Variants in TMEM231 observed in about 807,000 individuals in gnomAD.
TMEM231 encodes the protein transmembrane protein 231.
In TMEM231, 40 loss-of-function variants were observed where a neutral mutation model predicts 38.5. The observed-to-expected ratio is 1.04, with a 90% CI of 0.81 to 1.35. The LOEUF (loss-of-function observed/expected upper bound fraction) is 1.35. Ranked by LOEUF, TMEM231 falls within the 40% of genes most tolerant of loss-of-function variation. TMEM231 has a pLI of 0.00. For missense variants in TMEM231, 420 were observed against 416.9 expected (o/e 1.01, Z -0.07); for synonymous variants, 199 against 181.7 (o/e 1.10, Z -0.77).
chr16:75,540,324 A>G (rs780391640), intron 6 of TMEM231, 150 bp from the exon 7 acceptor site: 112 of 744,364 alleles, frequency 1.5e-4, no homozygotes, highest in Admixed American at 2.3e-4. Flanking sequence ...ACTTGGCCAA[A>G]TGGTAAAACC....
chr16:75,540,097 AC>A lies in TMEM231; in HGVS notation c.847del (p.Val283CysfsTer15). The A allele has an allele frequency of 6.2e-7, 1 of 1,613,802 alleles. No individual in the cohort carries two copies. The highest frequency in any genetic ancestry group is 1.1e-5 in the South Asian group (1 of 91,048). On this transcript the variant is annotated frameshift_variant, in exon 7 of 7. Transcript: ENST00000258173. LOFTEE classifies it high-confidence loss of function. The part of the protein sequence containing the change: ...YVSILLIFLW[V>X]FERIKIFVFQ... ...CACGAAGATCTTGATTCTTTCAAAC[AC>A]CCAGAGGAAGATAAGCAGGATGCTG...
At chr16:75,548,802 G>C (rs542320579) in intron 2 of TMEM231, among the ~76,000 whole-genome samples, 8 of 152,328 alleles carry the variant, frequency 5.3e-5, no homozygotes, top group African/African-American at 1.9e-4. Flanking sequence ...CCAGAAGGTG[G>C]AGGTTGCAGT....
intron 2 of TMEM231, among the ~76,000 whole-genome samples, chr16:75,553,979 C>T (rs2151708592): frequency 6.6e-6 from 1 of 152,250 alleles, no homozygotes; most frequent in African/African-American, 2.4e-5. Flanking sequence ...CCCCCAATTC[C>T]TCCCACCATC....
At position 75,541,373 on chromosome 16, in the gene TMEM231, G is replaced by C; in HGVS notation, c.747C>G (p.Ile249Met). The C allele has an allele frequency of 1.9e-6, 3 of 1,611,380 alleles. No homozygotes were observed. The highest frequency in any genetic ancestry group is 2.5e-6 in the Non-Finnish European group (3 of 1,178,396). Residue 249 changes from isoleucine to methionine, a missense_variant, in exon 6 of 7, where the codon ATC becomes ATG. By Grantham distance (10) the Ile-to-Met change is conservative. Transcript: ENST00000258173. The stretch of plus-strand genomic sequence containing the variant: ...ATGAAATGACTTCCACAGGGTATCG[G>C]ATGATAGCATTAATCACAAATGGAG... Reference protein sequence around the residue: ...ADAPFVINAIIRYPVEVISYQ... With the variant: ...ADAPFVINAIMRYPVEVISYQ...
At chr16:75,548,476 A>C (rs2151704930) in intron 2 of TMEM231, among the ~76,000 whole-genome samples, 1 of 152,338 alleles carries the variant, frequency 6.6e-6, no homozygotes, top group East Asian at 1.9e-4. Flanking sequence ...TCCCCATCCT[A>C]ATGGGGCATA....
chr16:75,554,545 C>CAAA lies in TMEM231; in HGVS notation c.309+1256_309+1258dup, dbSNP rs1185694717. Among the ~76,000 whole-genome samples, 186 of 94,104 alleles carry CAAA rather than the reference C, an allele frequency of 2.0e-3. 1 individual carries two copies. The highest frequency in any genetic ancestry group is 7.1e-3 in the African/African-American group (179 of 25,352). The allele number at this position is 94,104 out of a possible 152,430, so 61.7% of individuals were successfully genotyped here. A position where few individuals can be genotyped will look rare whatever the true frequency, so the allele number is the denominator to read the frequency against. On this transcript the variant is annotated intron_variant, in intron 2 of 6. Coordinates refer to ENST00000258173, the MANE Select transcript of TMEM231 (RefSeq NM_001077418.3). ...TGGGCAACAGAACAAGACTGTGTCTCAAAAAAAAAAAAAAAAAAGAAAAGA... is the reference window on the plus strand; with the variant it reads ...TGGGCAACAGAACAAGACTGTGTCTCAAAAAAAAAAAAAAAAAAAAAGAAAAGA...
In TMEM231 at chr16:75,555,831, C is replaced by T; in HGVS notation, c.282G>A (p.Gly94=). 1.3e-6 allele frequency: 2 copies of T among 1,567,250 alleles called. No homozygotes were observed. The highest frequency in any genetic ancestry group is 8.6e-7 in the Non-Finnish European group (1 of 1,156,424). ...AAACGAGCGGGACGCGCAGGCGATC[C>T]CCTTGCAGCCGGTTGAAGGCGGGGA... ...STFPAFNRLQ[G]DRLRVPLVST... The change falls in exon 2 of 7, where the codon GGG becomes GGA. Residue 94 remains glycine, a synonymous_variant. Transcript: ENST00000258173.
chr16:75,541,406 G>A lies in TMEM231; in HGVS notation c.714C>T (p.Ala238=), dbSNP rs750043051. Residue 238 remains alanine, a synonymous_variant, in exon 6 of 7, where the codon GCC becomes GCT. Transcript: ENST00000258173. The stretch of plus-strand genomic sequence containing the variant: ...CATTAATCACAAATGGAGCATCTGC[G>A]GCCCTGCCCACCAGCCAGATGGGGT... ...DPNPIWLVGR[A]ADAPFVINAI... is the part of the protein sequence containing the mutation. 3.4e-5 allele frequency: 54 copies of A among 1,611,864 alleles called. No homozygotes were observed. The South Asian group carries it at 3.7e-4, about 11-fold the overall frequency.
chr16:75,547,600 G>T (rs568127745), intron 2 of TMEM231, among the ~76,000 whole-genome samples: 1 of 152,048 alleles, frequency 6.6e-6, no homozygotes. Context: ...CCAACATGGT[G>T]AAACCCCGTC....
intron 3 of TMEM231, 22 bp from the exon 4 acceptor site, chr16:75,545,517 A>C: frequency 1.3e-6 from 2 of 1,487,080 alleles, no homozygotes; most frequent in South Asian, 2.5e-5. Flanking sequence ...AGAAGGACCA[A>C]CAATACCAAC....
In TMEM231 at chr16:75,546,506, A is replaced by C. The variant is rs371022204; in HGVS notation, c.310-552T>G. Among the ~76,000 whole-genome samples the C allele has an allele frequency of 4.6e-5, 7 of 152,146 alleles. No homozygotes were observed. In the East Asian group the frequency reaches 5.8e-4, roughly 13 times the overall value. On this transcript the variant is annotated intron_variant, in intron 2 of 6. Coordinates refer to ENST00000258173, the MANE Select transcript of TMEM231 (RefSeq NM_001077418.3). ...CGCCCAGGCTGGAGTGCAGTGACGC[A>C]ATCACGGCTCACTACAACCTCCGCC...
rs758946916 is a variant in TMEM231, at chr16:75,556,247, A to G, written c.-38T>C. ...CAGGCACTCCGCGAGCCGGGGGACC[A>G]AGTTTGGCTTCTCCTGGTTGCCATC... On this transcript the variant is annotated 5_prime_UTR_variant, in exon 1 of 7. Transcript: ENST00000258173. 7.2e-7 allele frequency: 1 copy of G among 1,392,654 alleles called. No individual in the cohort carries two copies. Among genetic ancestry groups the G allele is most frequent in the Non-Finnish European group, 9.3e-7 (1 of 1,077,528 alleles). The allele number at this position is 1,392,654 out of a possible 1,614,324, so 86.3% of individuals were successfully genotyped here. A position where few individuals can be genotyped will look rare whatever the true frequency, so the allele number is the denominator to read the frequency against.
At position 75,546,219 on chromosome 16, in the gene TMEM231, T is replaced by C. The variant is rs723694; in HGVS notation, c.310-265A>G. ...GCAATAACAAAAAACATCTGGATAG[T>C]ATTTGTGCCTTTCAGTTGTCTCATG... On this transcript the variant is annotated intron_variant, in intron 2 of 6. Transcript: ENST00000258173. The C allele has an allele frequency of 0.021, 20,416 of 965,544 alleles. 2,590 individuals carry two copies. The African/African-American group carries it at 0.29, about 14-fold the overall frequency. The allele number at this position is 965,544 out of a possible 1,614,324, so 59.8% of individuals were successfully genotyped here. A position where few individuals can be genotyped will look rare whatever the true frequency, so the allele number is the denominator to read the frequency against.
intron 2 of TMEM231, among the ~76,000 whole-genome samples, chr16:75,551,169 G>T (rs543295531): frequency 6.6e-6 from 1 of 152,262 alleles, no homozygotes; most frequent in South Asian, 2.1e-4. Flanking sequence ...GCCACTTCGT[G>T]GTTCCTTTCC....
chr16:75,546,867 A>T (rs1331459194), intron 2 of TMEM231, among the ~76,000 whole-genome samples: 2 of 152,244 alleles, frequency 1.3e-5, no homozygotes, highest in Non-Finnish European at 2.9e-5. Context: ...GTAGCAATCA[A>T]TGAAATGAAA....
At chr16:75,553,547 A>C (rs1160626304) in intron 2 of TMEM231, among the ~76,000 whole-genome samples, 1 of 150,316 alleles carries the variant, frequency 6.7e-6, no homozygotes, top group Non-Finnish European at 1.5e-5. Context: ...GCTTGAACCC[A>C]GAAGGCAGAG....
rs548542490 is a variant in TMEM231 at position 75,538,775 on chromosome 16, A to G, written c.*1219T>C. On this transcript the variant is annotated 3_prime_UTR_variant, in exon 7 of 7. Coordinates refer to ENST00000258173, the MANE Select transcript of TMEM231 (RefSeq NM_001077418.3). ...CATGTGTTCTTGGAGGAGACTGCCC[A>G]CATCCTCAGGAGGTGAATGGGCTGA... 2.6e-4 allele frequency: 39 copies of G among 152,336 alleles called. No individual in the cohort carries two copies. The highest frequency in any genetic ancestry group is 5.9e-4 in the Admixed American group (9 of 15,288). The allele number at this position is 152,336 out of a possible 1,614,324, so 9.4% of individuals were successfully genotyped here. A position where few individuals can be genotyped will look rare whatever the true frequency, so the allele number is the denominator to read the frequency against.
rs151269874 is a variant in TMEM231, at chr16:75,549,741, C to T, written c.310-3787G>A. On this transcript the variant is annotated intron_variant, in intron 2 of 6. Transcript: ENST00000258173. ...GTTTTTTTTTTGAGACGAAGTCTTA[C>T]TCTGTTGCCCAGGCTGGAGTGCAGT... Among the ~76,000 whole-genome samples, 986 of 152,086 alleles carry T rather than the reference C, an allele frequency of 6.5e-3. 49 individuals are homozygous for T. The highest frequency in any genetic ancestry group is 0.057 in the Admixed American group (865 of 15,256).
At chr16:75,541,076 C>A (rs967455443) in intron 6 of TMEM231, among the ~76,000 whole-genome samples, 8 of 152,106 alleles carry the variant, frequency 5.3e-5, no homozygotes, top group African/African-American at 1.4e-4. Flanking sequence ...TACAGTGGCA[C>A]AATCATCGCT....
Sources: allele counts gnomAD v4.1 joint callset (sites outside exome capture counted in the v4.1 genomes callset), GRCh38; gene constraint gnomAD v4.1.1; transcripts MANE v1.5; gene names NCBI Gene and HGNC (gene_info 2026-07-23, HGNC 2026-07-21).